XKR5: variants seen among roughly 807,000 people sequenced by gnomAD.
The protein encoded by XKR5 is XK-related protein 5.
Under a neutral mutation model 40.8 loss-of-function variants are expected in XKR5, and 46 were observed. The observed-to-expected ratio is 1.13, with a 90% CI of 0.89 to 1.44. XKR5 has a LOEUF of 1.44. Ranked by LOEUF, XKR5 falls within the 40% of genes most tolerant of loss-of-function variation. The pLI is 0.00. For missense variants in XKR5, 1,169 were observed against 844.7 expected (o/e 1.38, Z -4.76); for synonymous variants, 466 against 356.1 (o/e 1.31, Z -3.48).
At chr8:6,831,570 T>C (rs759544743) in intron 2 of XKR5, among the ~76,000 whole-genome samples, 1 of 152,176 alleles carries the variant, frequency 6.6e-6, no homozygotes, top group Admixed American at 6.5e-5. Context: ...GGAGAAAGTC[T>C]TGGGAATAGC....
rs1469960475 is a variant in XKR5, at chr8:6,815,797, T to A, written c.919+10A>T. On this transcript the variant is annotated intron_variant, in intron 6 of 6. Coordinates refer to ENST00000618742, the MANE Select transcript of XKR5 (RefSeq NM_207411.5). Reference sequence around the variant, plus strand: ...GGGGATGCAGAGAAGAAGGTGACATTGGGACTTACCAATCAGAAATCCAGA... The same window carrying A: ...GGGGATGCAGAGAAGAAGGTGACATAGGGACTTACCAATCAGAAATCCAGA... 1 of 1,573,958 alleles carries A rather than the reference T, an allele frequency of 6.4e-7. No homozygotes were observed. Among genetic ancestry groups the A allele is most frequent in the Non-Finnish European group, 8.7e-7 (1 of 1,154,512 alleles).
In XKR5 at chr8:6,823,601, C is replaced by G. The variant is rs1804335366; in HGVS notation, c.557G>C (p.Arg186Thr). The G allele has an allele frequency of 6.3e-7, 1 of 1,596,456 alleles. No homozygotes were observed. The highest frequency in any genetic ancestry group is 1.7e-5 in the Admixed American group (1 of 57,456). The change falls in exon 4 of 7, where the codon AGG becomes ACG. Residue 186 changes from arginine to threonine, a missense_variant. Coordinates refer to ENST00000618742, the MANE Select transcript of XKR5 (RefSeq NM_207411.5). The stretch of plus-strand genomic sequence containing the variant: ...CACGCGGGTTCCCAACATGCCCATC[C>G]TCCAGAGCTGCTGGCAGAAGAGGGC... ...WAALFCQQLWRMGMLGTRVLS... is the reference protein window; with the variant it reads ...WAALFCQQLWTMGMLGTRVLS...
At chr8:6,832,224 C>T (rs987585158) in intron 2 of XKR5, among the ~76,000 whole-genome samples, 1 of 152,008 alleles carries the variant, frequency 6.6e-6, no homozygotes, top group African/African-American at 2.4e-5. Context: ...CCAGAACTAT[C>T]CCTGGCTACT....
rs1375575619 is a variant in XKR5 at position 6,808,714 on chromosome 8, A to G, written c.*2484T>C. On this transcript the variant is annotated 3_prime_UTR_variant, in exon 7 of 7. Coordinates refer to ENST00000618742, the MANE Select transcript of XKR5 (RefSeq NM_207411.5). Reference sequence around the variant, plus strand: ...GCATACTCAGTGCCTGTCATACTCAACTAATATTCCTTAAATGAATGAATG... The same window carrying G: ...GCATACTCAGTGCCTGTCATACTCAGCTAATATTCCTTAAATGAATGAATG... 1 of 152,188 alleles carries G rather than the reference A, an allele frequency of 6.6e-6. No individual in the cohort carries two copies. The allele number at this position is 152,188 out of a possible 1,614,324, so 9.4% of individuals were successfully genotyped here. A position where few individuals can be genotyped will look rare whatever the true frequency, so the allele number is the denominator to read the frequency against.
intron 2 of XKR5, among the ~76,000 whole-genome samples, chr8:6,831,865 A>C (rs1804780769): frequency 6.6e-6 from 1 of 152,054 alleles, no homozygotes; most frequent in Non-Finnish European, 1.5e-5. Flanking sequence ...AATACAAAAA[A>C]TTAGCCGGGC....
intron 1 of XKR5, among the ~76,000 whole-genome samples, chr8:6,833,553 A>G (rs1237380102): frequency 1.3e-5 from 2 of 152,192 alleles, no homozygotes; most frequent in African/African-American, 2.4e-5. Context: ...CCTCTCTACT[A>G]AAAATACAAA....
In XKR5 at chr8:6,825,256, AAGGGCCGAC is replaced by A. The variant is rs939581983; in HGVS notation, c.327_335del (p.Ser110_Leu112del). The A allele has an allele frequency of 1.9e-6, 3 of 1,612,048 alleles. No individual in the cohort carries two copies. Among genetic ancestry groups the A allele is most frequent in the Non-Finnish European group, 2.5e-6 (3 of 1,179,346 alleles). On this transcript the variant is annotated inframe_deletion, in exon 3 of 7. Coordinates refer to ENST00000618742, the MANE Select transcript of XKR5 (RefSeq NM_207411.5). ...TCTGCAGCAGGGCCTCCAAGAGTCGAAGGGCCGACAGGTCGGCCTCCTGCAGCTGCAGCC... is the reference window on the plus strand; with the variant it reads ...TCTGCAGCAGGGCCTCCAAGAGTCGAAGGTCGGCCTCCTGCAGCTGCAGCC...
chr8:6,823,551 C>T lies in XKR5; in HGVS notation c.607G>A (p.Ala203Thr). The T allele has an allele frequency of 6.3e-7, 1 of 1,594,378 alleles. No homozygotes were observed. The highest frequency in any genetic ancestry group is 8.5e-7 in the Non-Finnish European group (1 of 1,170,414). Residue 203 changes from alanine to threonine, a missense_variant, in exon 4 of 7, where the codon GCC becomes ACC. Coordinates refer to ENST00000618742, the MANE Select transcript of XKR5 (RefSeq NM_207411.5). ...ACCACAAAAACCCAAAAGTGGTAGG[C>T]TTTGTAGAACAGAACCAGACTCAGC... Reference protein sequence around the residue: ...RVLSLVLFYKAYHFWVFVVAG... With the variant: ...RVLSLVLFYKTYHFWVFVVAG...
rs764875375 is a variant in XKR5 at position 6,832,890 on chromosome 8, G to A, written c.69C>T (p.Thr23=). 87 of 1,589,498 alleles carry A rather than the reference G, an allele frequency of 5.5e-5. No homozygotes were observed. In the Middle Eastern group the frequency reaches 8.7e-4, roughly 16 times the overall value. The change falls in exon 2 of 7, where the codon ACC becomes ACT. Residue 23 remains threonine (T), a synonymous_variant. Coordinates refer to ENST00000618742, the MANE Select transcript of XKR5 (RefSeq NM_207411.5). ...GTCCTGTGGTGAAGTAGTAAGCCAC[G>A]GTGTAAAGGCCTGGGTGAGAAGGGG... The part of the protein sequence containing the change: ...QAAEQSARLY[T]VAYYFTTGRL...
rs369265259 is a variant in XKR5, at chr8:6,811,993, G to C, written c.1266C>G (p.Ala422=). The C allele has an allele frequency of 1.4e-5, 22 of 1,537,268 alleles. No homozygotes were observed. Among genetic ancestry groups the C allele is most frequent in the Non-Finnish European group, 1.9e-5 (22 of 1,146,928 alleles). The stretch of plus-strand genomic sequence containing the variant: ...AGGCAGGACTGTTATCTCCAAAGGC[G>C]GCATTGATCTTAGACACATTTCCTG... ...LKTGNVSKIN[A]AFGDNSPAYC... The change falls in exon 7 of 7, where the codon GCC becomes GCG. Residue 422 remains alanine, a synonymous_variant. Coordinates refer to ENST00000618742, the MANE Select transcript of XKR5 (RefSeq NM_207411.5).
At chr8:6,829,046 C>G (rs1804643584) in intron 2 of XKR5, 1 of 152,364 alleles carries the variant, frequency 6.6e-6, no homozygotes, top group South Asian at 2.1e-4. Flanking sequence ...GAAATCGCAA[C>G]AGCCTTCAAG....
At chr8:6,812,520 T>C (rs529243035) in intron 6 of XKR5, among the ~76,000 whole-genome samples, 181 bp from the exon 7 acceptor site, 91 of 152,358 alleles carry the variant, frequency 6.0e-4, no homozygotes, top group Middle Eastern at 3.4e-3. Flanking sequence ...TTCCAGCTTC[T>C]GTAAGCTGTA....
intron 5 of XKR5, among the ~76,000 whole-genome samples, chr8:6,821,413 T>C (rs1020817111): frequency 6.6e-6 from 1 of 152,200 alleles, no homozygotes; most frequent in Non-Finnish European, 1.5e-5. Flanking sequence ...GTTCTTCAAA[T>C]ATGAAGAAAT....
chr8:6,828,815 A>G (rs796102713), intron 2 of XKR5, among the ~76,000 whole-genome samples: 4 of 152,344 alleles, frequency 2.6e-5, no homozygotes, highest in African/African-American at 9.6e-5. Context: ...CCAATGCCTG[A>G]GGATAAAATC....
chr8:6,830,073 G>C (rs968539622), intron 2 of XKR5, among the ~76,000 whole-genome samples: 13 of 152,036 alleles, frequency 8.6e-5, no homozygotes, highest in African/African-American at 3.1e-4. Context: ...TCCTGACCTC[G>C]TGATCCGCCT....
At position 6,832,743 on chromosome 8, in the gene XKR5, G is replaced by C. The variant is rs745353185; in HGVS notation, c.216C>G (p.His72Gln). Residue 72 changes from histidine to glutamine, a missense_variant, in exon 2 of 7, where the codon CAC becomes CAG. By Grantham distance (24) the His-to-Gln change is conservative (BLOSUM62 0). Coordinates refer to ENST00000618742, the MANE Select transcript of XKR5 (RefSeq NM_207411.5). The part of the protein sequence containing the change: ...HPGHCSLMML[H>Q]LLQLGVWKRH... ...GCTTCCAAACACCAAGCTGTAGGAG[G>C]TGCAGCATCATCAAGGAGCAATGCC... 1.2e-6 allele frequency: 2 copies of C among 1,613,180 alleles called. No individual in the cohort carries two copies. The highest frequency in any genetic ancestry group is 4.5e-5 in the East Asian group (2 of 44,870).
At chr8:6,821,226 A>G (rs1804212491) in intron 5 of XKR5, among the ~76,000 whole-genome samples, 3 of 152,320 alleles carry the variant, frequency 2.0e-5, no homozygotes, top group South Asian at 2.1e-4. Flanking sequence ...TCCTTTGCCC[A>G]TTATAATCCA....
At chr8:6,812,658 G>T (rs1451036780) in intron 6 of XKR5, among the ~76,000 whole-genome samples, 1 of 152,206 alleles carries the variant, frequency 6.6e-6, no homozygotes, top group Non-Finnish European at 1.5e-5. Flanking sequence ...GCATGTGTGT[G>T]TGCGTGTGTA....
At position 6,834,871 on chromosome 8, in the gene XKR5, C is replaced by G. The variant is rs115956795; in HGVS notation, c.58+565G>C. On this transcript the variant is annotated intron_variant, in intron 1 of 6. Coordinates refer to ENST00000618742, the MANE Select transcript of XKR5 (RefSeq NM_207411.5). ...GGAGGTGGCCTCGAAGGGCCGCGTC[C>G]CGCCCCGTCCTAAACCCCGAAGCGG... Among the ~76,000 whole-genome samples the G allele has an allele frequency of 4.3e-3, 651 of 152,138 alleles. 8 individuals carry two copies. Among genetic ancestry groups the G allele is most frequent in the African/African-American group, 0.015 (635 of 41,410 alleles).
Sources: gnomAD v4.1 joint callset for allele counts (sites outside exome capture counted in the v4.1 genomes callset) on GRCh38, gnomAD v4.1.1 for gene constraint, MANE v1.5 for transcripts, NCBI Gene and HGNC (gene_info 2026-07-23, HGNC 2026-07-21) for gene names.